Variants in SNX31 observed in about 807,000 individuals in gnomAD.
SNX31 encodes sorting nexin 31.
In SNX31, 58 loss-of-function variants were observed where a neutral mutation model predicts 65.4. The ratio of observed to expected loss-of-function variants is 0.89; its 90% CI spans 0.72 to 1.10. SNX31 has a LOEUF of 1.10. Among genes scored for constraint, SNX31 ranks in the 50% least tolerant of loss-of-function variants. The pLI, the probability that SNX31 is intolerant of heterozygous loss-of-function variation, is 0.00. For synonymous variants in SNX31, 181 were observed against 190.1 expected (o/e 0.95, Z 0.39); for missense variants, 523 against 529.7 (o/e 0.99, Z 0.12).
At chr8:100,661,169 C>T (rs928862097) in intron 1 of SNX31, among the ~76,000 whole-genome samples, 1 of 152,160 alleles carries the variant, frequency 6.6e-6, no homozygotes, top group African/African-American at 2.4e-5. Context: ...CCATGCCCAG[C>T]TAATTTTTGT....
intron 1 of SNX31, among the ~76,000 whole-genome samples, chr8:100,661,025 A>G (rs886950680): frequency 4.5e-4 from 26 of 57,816 alleles, no homozygotes; most frequent in Admixed American, 3.0e-3. Context: ...TTTTTTTTTG[A>G]GACAGGGTCT....
intron 10 of SNX31, among the ~76,000 whole-genome samples, chr8:100,593,471 C>T (rs925556904): frequency 2.0e-5 from 3 of 151,800 alleles, no homozygotes; most frequent in East Asian, 3.9e-4. Context: ...TTTATTTTTT[C>T]GAGGCAGGGT....
chr8:100,616,160 A>G (rs1257054013), intron 5 of SNX31, among the ~76,000 whole-genome samples: 1 of 152,192 alleles, frequency 6.6e-6, no homozygotes, highest in East Asian at 1.9e-4. Context: ...TCCAATGTTG[A>G]CCGAAACGTC....
At chr8:100,637,764 T>C (rs1045165693) in intron 2 of SNX31, among the ~76,000 whole-genome samples, 14 of 152,062 alleles carry the variant, frequency 9.2e-5, no homozygotes, top group Non-Finnish European at 1.9e-4. Flanking sequence ...GGCATGATCT[T>C]GGCTCACTGC....
At position 100,630,283 on chromosome 8, in the gene SNX31, TC is replaced by T; in HGVS notation, c.321+43del. On this transcript the variant is annotated intron_variant, in intron 4 of 13. Coordinates refer to ENST00000311812, the MANE Select transcript of SNX31 (RefSeq NM_152628.4). This position sits in a 1 kb window ranked among gnomAD's most constrained non-coding sequence, Gnocchi z 5.3. ...CTGCACACTTGGTTCATGAAGAGTGTCCTGCAGAGGAATGATGGCCCCATTA... is the reference window on the plus strand; with the variant it reads ...CTGCACACTTGGTTCATGAAGAGTGTCTGCAGAGGAATGATGGCCCCATTA... 6.3e-7 allele frequency: 1 copy of T among 1,586,026 alleles called. No homozygotes were observed. The highest frequency in any genetic ancestry group is 8.7e-7 in the Non-Finnish European group (1 of 1,155,326).
intron 2 of SNX31, among the ~76,000 whole-genome samples, chr8:100,645,506 A>C (rs937873444): frequency 6.6e-5 from 10 of 151,004 alleles, no homozygotes; most frequent in South Asian, 2.1e-4. Context: ...GGGCATACTT[A>C]TACTAAAAAA....
At position 100,612,298 on chromosome 8, in the gene SNX31, G is replaced by T. The variant is rs560910524; in HGVS notation, c.524-211C>A. ...CTCAAAAAAAAACAGCCCCTTGAGT[G>T]GGGGGTGTTTTACACTGTGATATAG... On this transcript the variant is annotated intron_variant, in intron 6 of 13. Coordinates refer to ENST00000311812, the MANE Select transcript of SNX31 (RefSeq NM_152628.4). This position sits in a 1 kb window ranked among gnomAD's most constrained non-coding sequence, Gnocchi z 4.3. Among the ~76,000 whole-genome samples, 1 of 151,992 alleles carries T rather than the reference G, an allele frequency of 6.6e-6. No homozygotes were observed. Among genetic ancestry groups the T allele is most frequent in the African/African-American group, 2.4e-5 (1 of 41,396 alleles).
chr8:100,589,680 C>A (rs916298139), intron 10 of SNX31, among the ~76,000 whole-genome samples: 43 of 152,298 alleles, frequency 2.8e-4, no homozygotes, highest in African/African-American at 8.4e-4. Flanking sequence ...AGGGACTGTG[C>A]ATGTGGCTGC....
In SNX31 at chr8:100,630,246, ATG is replaced by A; in HGVS notation, c.321+79_321+80del. The A allele has an allele frequency of 2.3e-6, 3 of 1,324,188 alleles. No individual in the cohort carries two copies. Among genetic ancestry groups the A allele is most frequent in the African/African-American group, 1.5e-5 (1 of 68,888 alleles). The allele number at this position is 1,324,188 out of a possible 1,614,324, so 82.0% of individuals were successfully genotyped here. Reference sequence around the variant, plus strand: ...CTGTGGGGCTGTGACCAGTGCACACATGTGTGTGTACCTGCACACTTGGTTCA... The same window carrying A: ...CTGTGGGGCTGTGACCAGTGCACACATGTGTGTACCTGCACACTTGGTTCA... On this transcript the variant is annotated intron_variant, in intron 4 of 13. Transcript: ENST00000311812. This position sits in a 1 kb window ranked among gnomAD's most constrained non-coding sequence, Gnocchi z 5.3.
At position 100,622,173 on chromosome 8, in the gene SNX31, G is replaced by T. The variant is rs747320444; in HGVS notation, c.322-4443C>A. ...AGAATGTTGTTGGCTTTTTTTTCAC[G>T]CTTAATTAGTTTAAAGCCAGGTTAG... On this transcript the variant is annotated intron_variant, in intron 4 of 13. Transcript: ENST00000311812. This position sits in a 1 kb window ranked among gnomAD's most constrained non-coding sequence, Gnocchi z 5.0. 6.6e-6 allele frequency among the ~76,000 whole-genome samples: 1 copy of T among 152,032 alleles called. No homozygotes were observed. The highest frequency in any genetic ancestry group is 2.1e-4 in the South Asian group (1 of 4,824).
intron 11 of SNX31, among the ~76,000 whole-genome samples, chr8:100,586,844 TG>T (rs747595185): frequency 6.6e-6 from 1 of 152,246 alleles, no homozygotes; most frequent in Non-Finnish European, 1.5e-5. Flanking sequence ...ATGACATCGA[TG>T]CAAAGAGTAC....
At chr8:100,589,031 T>C (rs1299049344) in intron 10 of SNX31, 52 bp from the exon 11 acceptor site, 2 of 1,468,000 alleles carry the variant, frequency 1.4e-6, no homozygotes, top group East Asian at 4.6e-5. Context: ...CCTATTAATT[T>C]GCCGGGCACG....
At chr8:100,643,535 T>G (rs1819418857) in intron 2 of SNX31, among the ~76,000 whole-genome samples, 1 of 152,178 alleles carries the variant, frequency 6.6e-6, no homozygotes, top group South Asian at 2.1e-4. Context: ...CCTAAGAGCA[T>G]GGCCTAGAGC....
At chr8:100,638,435 T>A (rs964169867) in intron 2 of SNX31, among the ~76,000 whole-genome samples, 3 of 152,242 alleles carry the variant, frequency 2.0e-5, no homozygotes, top group African/African-American at 7.2e-5. Context: ...ATATACAGCA[T>A]TTCCATCAGC....
At chr8:100,593,544 C>T (rs564619575) in intron 10 of SNX31, among the ~76,000 whole-genome samples, 1 of 152,186 alleles carries the variant, frequency 6.6e-6, no homozygotes, top group South Asian at 2.1e-4. Flanking sequence ...ACCTCCCCCT[C>T]CCAGACTCAA....
intron 2 of SNX31, among the ~76,000 whole-genome samples, chr8:100,638,241 A>C (rs1331602369): frequency 6.6e-6 from 1 of 152,230 alleles, no homozygotes; most frequent in Non-Finnish European, 1.5e-5. Context: ...TAAACCCAAA[A>C]TTCTTACAAT....
At chr8:100,589,312 A>T (rs1043758850) in intron 10 of SNX31, among the ~76,000 whole-genome samples, 5 of 152,020 alleles carry the variant, frequency 3.3e-5, no homozygotes, top group African/African-American at 1.2e-4. Context: ...AAAAAAAAAA[A>T]AAAAAAGCCC....
rs1387740788 is a variant in SNX31 at position 100,658,228 on chromosome 8, G to T, written c.-58+4914C>A. 2.6e-5 allele frequency among the ~76,000 whole-genome samples: 4 copies of T among 152,182 alleles called. No individual in the cohort carries two copies. The East Asian group carries it at 7.7e-4, about 29-fold the overall frequency. ...CACAGCTCTGAAGATTCTAAAGGCTGCAATTTTGGCTCAGCTTGCTGTCTA... is the reference window on the plus strand; with the variant it reads ...CACAGCTCTGAAGATTCTAAAGGCTTCAATTTTGGCTCAGCTTGCTGTCTA... On this transcript the variant is annotated intron_variant, in intron 1 of 5. Transcript: ENST00000520352.
rs1221302921 is a variant in SNX31 at position 100,588,552 on chromosome 8, T to G, written c.1092+314A>C. On this transcript the variant is annotated intron_variant, in intron 11 of 13. Transcript: ENST00000311812. This position sits in a 1 kb window ranked among gnomAD's most constrained non-coding sequence, Gnocchi z 4.8. ...AGTTGAGCAGTTGCAACAGAGACTG[T>G]ATGGATCTCAAATCCTAAAATATTT... Among the ~76,000 whole-genome samples the G allele has an allele frequency of 6.6e-6, 1 of 152,198 alleles. No individual in the cohort carries two copies. Among genetic ancestry groups the G allele is most frequent in the Non-Finnish European group, 1.5e-5 (1 of 68,036 alleles).
Sources: allele counts gnomAD v4.1 joint callset (sites outside exome capture counted in the v4.1 genomes callset), GRCh38; gene constraint gnomAD v4.1.1; non-coding constraint Gnocchi (gnomAD v3.1); transcripts MANE v1.5; gene names NCBI Gene and HGNC (gene_info 2026-07-23, HGNC 2026-07-21).